Variants in AGBL1 observed in about 807,000 individuals in gnomAD.
The protein encoded by AGBL1 is cytosolic carboxypeptidase 4.
Under a neutral mutation model 118.9 loss-of-function variants are expected in AGBL1, and 130 were observed. The observed-to-expected ratio is 1.09, with a 90% confidence interval of 0.95 to 1.26. The LOEUF (loss-of-function observed/expected upper bound fraction) is 1.26, where lower values mean the gene tolerates loss of function less well. Among genes scored for constraint, AGBL1 ranks in the 50% most tolerant of loss-of-function variants. The pLI, the probability that AGBL1 is intolerant of heterozygous loss-of-function variation, is 0.00. For missense variants in AGBL1, 1,584 were observed against 1,298.1 expected (o/e 1.22, Z -3.38); for synonymous variants, 555 against 478.9 (o/e 1.16, Z -2.08).
At chr15:86,621,228 T>C (rs1171472014) in intron 21 of AGBL1, among the ~76,000 whole-genome samples, 1 of 152,230 alleles carries the variant, frequency 6.6e-6, no homozygotes, top group Non-Finnish European at 1.5e-5. Flanking sequence ...TCCTCTGCTA[T>C]AGAATTCAGG....
chr15:86,532,808 T>A (rs71399838), intron 19 of AGBL1, among the ~76,000 whole-genome samples: 31,259 of 67,322 alleles, frequency 0.46, 8,870 homozygotes, highest in African/African-American at 0.85. Flanking sequence ...ATAACGCCGC[T>A]TACCTACAAC....
chr15:86,223,460 C>T (rs552494850), intron 5 of AGBL1, among the ~76,000 whole-genome samples: 3 of 152,180 alleles, frequency 2.0e-5, no homozygotes, highest in Non-Finnish European at 4.4e-5. Flanking sequence ...ACTATGGCAC[C>T]TGGATTTTTC....
chr15:86,559,002 T>G (rs76989275), intron 21 of AGBL1, among the ~76,000 whole-genome samples: 6,326 of 152,304 alleles, frequency 0.042, 454 homozygotes, highest in African/African-American at 0.15. Context: ...GGCAACTGTT[T>G]CGTGCCTTTC....
At chr15:86,903,716 C>T (rs1165710905) in intron 22 of AGBL1, among the ~76,000 whole-genome samples, 1 of 152,228 alleles carries the variant, frequency 6.6e-6, no homozygotes, top group Non-Finnish European at 1.5e-5. Context: ...CCCCACTAGG[C>T]CTCCAGGGGC....
intron 21 of AGBL1, among the ~76,000 whole-genome samples, chr15:86,593,612 T>C (rs2084367799): frequency 6.6e-6 from 1 of 152,224 alleles, no homozygotes; most frequent in African/African-American, 2.4e-5. Flanking sequence ...TTCGCTGGCA[T>C]ATAATTTATA....
chr15:86,455,898 A>G (rs537796933), intron 18 of AGBL1, among the ~76,000 whole-genome samples: 23 of 152,256 alleles, frequency 1.5e-4, no homozygotes, highest in Middle Eastern at 6.8e-3. Flanking sequence ...CCATTACCCT[A>G]TACTTTCTCA....
At chr15:86,932,074 C>T (rs1424012241) in intron 23 of AGBL1, among the ~76,000 whole-genome samples, 1 of 152,116 alleles carries the variant, frequency 6.6e-6, no homozygotes, top group Non-Finnish European at 1.5e-5. Flanking sequence ...GTACAGTTTA[C>T]TCACGGAGGA....
chr15:86,084,901 C>A (rs957521533), intron 1 of AGBL1, among the ~76,000 whole-genome samples: 2 of 152,134 alleles, frequency 1.3e-5, no homozygotes, highest in African/African-American at 2.4e-5. Context: ...ATTCGCCTAG[C>A]CATAGCTTTC....
intron 1 of AGBL1, among the ~76,000 whole-genome samples, chr15:86,110,315 G>A (rs980347556): frequency 1.3e-5 from 2 of 152,162 alleles, no homozygotes; most frequent in Non-Finnish European, 2.9e-5. Context: ...AAGCCTTACT[G>A]ATAATGTAAA....
intron 21 of AGBL1, among the ~76,000 whole-genome samples, chr15:86,643,096 G>A (rs1258176391): frequency 6.6e-6 from 1 of 152,088 alleles, no homozygotes; most frequent in Non-Finnish European, 1.5e-5. Context: ...GAAGCAAAAT[G>A]GCTGCAGCAA....
At chr15:86,973,538 A>T (rs2081132983) in intron 23 of AGBL1, among the ~76,000 whole-genome samples, 1 of 151,932 alleles carries the variant, frequency 6.6e-6, no homozygotes, top group African/African-American at 2.4e-5. Context: ...ATCGGAAAAA[A>T]ATCACAAGTT....
chr15:86,927,425 CA>C (rs10597612), intron 23 of AGBL1, among the ~76,000 whole-genome samples: 78,532 of 141,678 alleles, frequency 0.55, 21,459 homozygotes, highest in Middle Eastern at 0.66. Flanking sequence ...CCCATCTTTA[CA>C]AAAAAAAAAA....
chr15:86,377,332 A>T (rs2081054506), intron 17 of AGBL1, among the ~76,000 whole-genome samples: 1 of 152,214 alleles, frequency 6.6e-6, no homozygotes, highest in African/African-American at 2.4e-5. Flanking sequence ...GAGGTGAGCC[A>T]CTCAGGACAC....
chr15:86,461,195 A>G (rs1034586312), intron 18 of AGBL1, among the ~76,000 whole-genome samples: 5 of 152,062 alleles, frequency 3.3e-5, no homozygotes, highest in African/African-American at 1.2e-4. Flanking sequence ...ACCATGCCCC[A>G]TCGGTGGTAG....
rs1255139691 is a variant in AGBL1, at chr15:86,651,238, A to T, written c.2995-23035A>T. On this transcript the variant is annotated intron_variant, in intron 21 of 22. Coordinates refer to ENST00000614907, the MANE Select transcript of AGBL1 (RefSeq NM_001386094.1). ...CATTTTTAACCAGTGTTATTCCATGACTCTGATGTGGGCCCTGCAGGGGTC... is the reference window on the plus strand; with the variant it reads ...CATTTTTAACCAGTGTTATTCCATGTCTCTGATGTGGGCCCTGCAGGGGTC... 2.0e-5 allele frequency among the ~76,000 whole-genome samples: 3 copies of T among 152,022 alleles called. No homozygotes were observed. In the South Asian group the frequency reaches 6.2e-4, roughly 32 times the overall value.
At chr15:86,708,747 A>G (rs1372951655) in intron 22 of AGBL1, among the ~76,000 whole-genome samples, 1 of 151,866 alleles carries the variant, frequency 6.6e-6, no homozygotes, top group Non-Finnish European at 1.5e-5. Context: ...GCCTTGCTCT[A>G]TTTTATAAGT....
chr15:86,114,481 A>T (rs1014579641), intron 1 of AGBL1, among the ~76,000 whole-genome samples: 15 of 152,246 alleles, frequency 9.9e-5, no homozygotes, highest in African/African-American at 3.6e-4. Context: ...TGTGAAAAAC[A>T]ATAGGAACTT....
intron 22 of AGBL1, among the ~76,000 whole-genome samples, chr15:86,830,491 T>C (rs2079089539): frequency 6.6e-6 from 1 of 152,178 alleles, no homozygotes; most frequent in African/African-American, 2.4e-5. Context: ...GCATGTGAAC[T>C]AGTCTCTGAC....
At chr15:86,255,899 T>C (rs1238085505) in intron 7 of AGBL1, among the ~76,000 whole-genome samples, 1 of 152,216 alleles carries the variant, frequency 6.6e-6, no homozygotes, top group African/African-American at 2.4e-5. Flanking sequence ...CCTGTAATGT[T>C]GAGTCTGGAG....
Sources: allele counts gnomAD v4.1 joint callset (sites outside exome capture counted in the v4.1 genomes callset), GRCh38; gene constraint gnomAD v4.1.1; transcripts MANE v1.5; gene names NCBI Gene and HGNC (gene_info 2026-07-23, HGNC 2026-07-21).